AP1B1: variants seen among roughly 807,000 people sequenced by gnomAD.
AP1B1 encodes the protein AP-1 complex subunit beta-1.
Under a neutral mutation model 104.3 loss-of-function variants are expected in AP1B1, and 36 were observed. The observed-to-expected ratio is 0.35, with a 90% confidence interval of 0.26 to 0.46. AP1B1 has a LOEUF of 0.46. AP1B1 is among the 20% of genes least tolerant of loss of function. AP1B1 has a pLI of 1.00. For missense variants in AP1B1, 901 were observed against 1,247.9 expected, an observed-to-expected ratio of 0.72 and a Z score of 4.19; for synonymous variants, 504 against 517.5, an observed-to-expected ratio of 0.97 and a Z score of 0.35.
In AP1B1 at chr22:29,367,809, C is replaced by T. The variant is rs184408818; in HGVS notation, c.-27-539G>A. 9.0e-4 allele frequency among the ~76,000 whole-genome samples: 137 copies of T among 152,270 alleles called. 1 individual carries two copies. The highest frequency in any genetic ancestry group is 3.2e-3 in the African/African-American group (131 of 41,552). Reference sequence around the variant, plus strand: ...TACAGTCAAATAAGATTAGAAAATACCAAGCTTAAAAGGCTAGGGAGACTT... The same window carrying T: ...TACAGTCAAATAAGATTAGAAAATATCAAGCTTAAAAGGCTAGGGAGACTT... On this transcript the variant is annotated intron_variant, in intron 1 of 22. Coordinates refer to ENST00000357586, the MANE Select transcript of AP1B1 (RefSeq NM_001127.4).
At position 29,358,990 on chromosome 22, in the gene AP1B1, C is replaced by G; in HGVS notation, c.280-19G>C. 1.3e-6 allele frequency: 2 copies of G among 1,592,428 alleles called. No homozygotes were observed. Among genetic ancestry groups the G allele is most frequent in the Non-Finnish European group, 1.7e-6 (2 of 1,169,564 alleles). ...CACAGTCCTGGGGGGAACCAGCCAT[C>G]GGCCAGGGCAGGGGTGGGATGAGCC... On this transcript the variant is annotated intron_variant, in intron 4 of 22. Transcript: ENST00000357586.
At chr22:29,357,966 G>A (rs753186539) in intron 5 of AP1B1, among the ~76,000 whole-genome samples, 2 of 151,862 alleles carry the variant, frequency 1.3e-5, no homozygotes, top group Non-Finnish European at 2.9e-5. Context: ...GATTACAGGC[G>A]TGAGCCACTG....
Position 29,339,127 on chromosome 22 carries a change from C to A in AP1B1, c.2026G>T (p.Gly676Cys), listed in dbSNP as rs1351703026. The A allele has an allele frequency of 6.2e-7, 1 of 1,614,112 alleles. No homozygotes were observed. The highest frequency in any genetic ancestry group is 1.1e-5 in the South Asian group (1 of 91,070). The change falls in exon 16 of 23, where the codon GGC becomes TGC. Residue 676 changes from glycine to cysteine, a missense_variant. By Grantham distance (159) the Gly-to-Cys change is radical (BLOSUM62 -3). Coordinates refer to ENST00000357586, the MANE Select transcript of AP1B1 (RefSeq NM_001127.4). ...LMGDEPEGIG[G>C]TNFVAPPTAA... ...GTTGGAGGTGCCACGAAGTTGGTGC[C>A]CCCAATCTGGAAAGGGAGGGAAAGA...
At chr22:29,387,552 C>G (rs190502858) in intron 1 of AP1B1, among the ~76,000 whole-genome samples, 4 of 152,014 alleles carry the variant, frequency 2.6e-5, no homozygotes, top group Non-Finnish European at 5.9e-5. Flanking sequence ...ACGATCCACC[C>G]GCCTCAGCTT....
At chr22:29,332,530 G>C (rs982065806) in intron 17 of AP1B1, among the ~76,000 whole-genome samples, 6 of 152,204 alleles carry the variant, frequency 3.9e-5, no homozygotes, top group African/African-American at 7.2e-5. Flanking sequence ...TAAGTCACAG[G>C]GCATGGGACT....
intron 1 of AP1B1, among the ~76,000 whole-genome samples, chr22:29,380,376 C>CA (rs1482642842): frequency 6.8e-6 from 1 of 147,638 alleles, no homozygotes; most frequent in African/African-American, 2.6e-5. Context: ...CACAGCTTTA[C>CA]ATACCATCCA....
chr22:29,339,247 C>A lies in AP1B1; in HGVS notation c.2020-114G>T. The A allele has an allele frequency of 3.3e-6, 4 of 1,218,410 alleles. No individual in the cohort carries two copies. The South Asian group carries it at 5.4e-5, about 17-fold the overall frequency. 75.5% of individuals were successfully genotyped at this position (1,218,410 alleles called of 1,614,324 possible). A position where few individuals can be genotyped will look rare whatever the true frequency, so the allele number is the denominator to read the frequency against. On this transcript the variant is annotated intron_variant, in intron 15 of 22. Transcript: ENST00000357586. ...AAGACACTGGGGGCAGGGGGCAGGACAGCCTCCATATCAACTCTAAATTAC... is the reference window on the plus strand; with the variant it reads ...AAGACACTGGGGGCAGGGGGCAGGAAAGCCTCCATATCAACTCTAAATTAC...
intron 21 of AP1B1, 172 bp downstream of exon 21, chr22:29,330,206 T>C: frequency 4.8e-6 from 7 of 1,465,134 alleles, no homozygotes; most frequent in Admixed American, 2.3e-5. Flanking sequence ...CTGGGTAACC[T>C]GACGGGGTTG....
In AP1B1 at chr22:29,357,069, GT is replaced by G. The variant is rs751097794; in HGVS notation, c.526-454del. Among the ~76,000 whole-genome samples the G allele has an allele frequency of 2.9e-3, 361 of 124,966 alleles. 1 individual carries two copies. The highest frequency in any genetic ancestry group is 4.1e-3 in the Non-Finnish European group (240 of 59,130). 82.0% of individuals were successfully genotyped at this position (124,966 alleles called of 152,430 possible). ...AGGAAGGTGTTTTTTTTTGTTTTTT[GT>G]TTTTTTTTTTTGAGATGGAGTTGTG... On this transcript the variant is annotated intron_variant, in intron 5 of 22. Coordinates refer to ENST00000357586, the MANE Select transcript of AP1B1 (RefSeq NM_001127.4).
Position 29,331,812 on chromosome 22 carries a change from T to C in AP1B1, c.2414A>G (p.Lys805Arg), listed in dbSNP as rs1044496543. 7.4e-6 allele frequency: 12 copies of C among 1,614,028 alleles called. No individual in the cohort carries two copies. The highest frequency in any genetic ancestry group is 1.3e-5 in the African/African-American group (1 of 74,914). The change falls in exon 18 of 23, where the codon AAG becomes AGG. Residue 805 changes from lysine (K) to arginine (R), a missense_variant. Physicochemically the swap from Lys to Arg is conservative, Grantham distance 26. Transcript: ENST00000357586. ...CTGGAGGTTGTTCAGAGGCTCCATC[T>C]TCATGACCGAGCCCACCGTGCTGAG... The part of the protein sequence containing the change: ...LPLSTVGSVM[K>R]MEPLNNLQVA...
rs142989734 is a variant in AP1B1 at position 29,342,150 on chromosome 22, G to C, written c.1536+135C>G. 6.2e-4 allele frequency: 446 copies of C among 720,386 alleles called. 2 individuals are homozygous for C. In the African/African-American group the frequency reaches 7.7e-3, roughly 12 times the overall value. The allele number at this position is 720,386 out of a possible 1,614,324, so 44.6% of individuals were successfully genotyped here. A position where few individuals can be genotyped will look rare whatever the true frequency, so the allele number is the denominator to read the frequency against. On this transcript the variant is annotated intron_variant, in intron 12 of 22. Coordinates refer to ENST00000357586, the MANE Select transcript of AP1B1 (RefSeq NM_001127.4). ...AGGCAGGGAGCTTGGGTAACTCTGG[G>C]GCTGGAAGCCAGTCCCACCCACAAG...
chr22:29,340,939 C>A (rs948747001), intron 13 of AP1B1, 82 bp from the exon 14 acceptor site: 2 of 1,401,436 alleles, frequency 1.4e-6, no homozygotes, highest in African/African-American at 1.4e-5. Flanking sequence ...GCAGAGCTGT[C>A]CCCCAGGACA....
At chr22:29,375,847 G>C (rs1379699514) in intron 1 of AP1B1, among the ~76,000 whole-genome samples, 1 of 152,204 alleles carries the variant, frequency 6.6e-6, no homozygotes, top group Non-Finnish European at 1.5e-5. Flanking sequence ...GTGGAAAGAA[G>C]GGTGGGAGGC....
In AP1B1 at chr22:29,351,685, G is replaced by C; in HGVS notation, c.1059+20C>G. 1.2e-6 allele frequency: 2 copies of C among 1,613,094 alleles called. No homozygotes were observed. Among genetic ancestry groups the C allele is most frequent in the African/African-American group, 2.7e-5 (2 of 75,066 alleles). ...TGGTCCCACACTGAGCCCGTGTCCT[G>C]ACCATCACACGCAGCTGACCTGGGC... is the stretch of plus-strand genomic sequence containing the variant. On this transcript the variant is annotated intron_variant, in intron 8 of 22. Coordinates refer to ENST00000357586, the MANE Select transcript of AP1B1 (RefSeq NM_001127.4).
intron 1 of AP1B1, among the ~76,000 whole-genome samples, chr22:29,388,015 G>GC (rs1569170150): frequency 6.6e-6 from 1 of 151,756 alleles, no homozygotes; most frequent in Non-Finnish European, 1.5e-5. Flanking sequence ...CCGTTTTCTA[G>GC]TTTTTTTTTC....
At chr22:29,329,270 A>AG in intron 22 of AP1B1, 2 of 1,143,904 alleles carry the variant, frequency 1.7e-6, no homozygotes, top group Non-Finnish European at 2.2e-6. Flanking sequence ...GAAAATCCCG[A>AG]GGGGGTGCGG....
chr22:29,329,059 G>A (rs924494595), intron 22 of AP1B1, 164 bp from the exon 23 acceptor site: 21 of 1,430,914 alleles, frequency 1.5e-5, no homozygotes, highest in Middle Eastern at 2.6e-4. Context: ...CGGAGGGGGC[G>A]GCTGTCGCAG....
chr22:29,360,705 T>C (rs1218485468), intron 3 of AP1B1, among the ~76,000 whole-genome samples: 5 of 152,214 alleles, frequency 3.3e-5, no homozygotes, highest in East Asian at 1.9e-4. Context: ...CCTGGAGGAA[T>C]CAGGTCTGAG....
chr22:29,354,082 G>C (rs1269523079), intron 7 of AP1B1, among the ~76,000 whole-genome samples: 1 of 152,216 alleles, frequency 6.6e-6, no homozygotes, highest in Admixed American at 6.5e-5. Context: ...TCTCATGGGA[G>C]GGAAGTGGGC....
Sources: allele counts gnomAD v4.1 joint callset (sites outside exome capture counted in the v4.1 genomes callset), GRCh38; gene constraint gnomAD v4.1.1; transcripts MANE v1.5; gene names NCBI Gene and HGNC (gene_info 2026-07-23, HGNC 2026-07-21).